PRAM1: variants seen among roughly 807,000 people sequenced by gnomAD.
PRAM1 encodes PML-RARA-regulated adapter molecule 1.
In PRAM1, 41 loss-of-function variants were observed where a neutral mutation model predicts 55.3. The ratio of observed to expected loss-of-function variants is 0.74; its 90% CI spans 0.58 to 0.96. The LOEUF is 0.96. PRAM1 is among the 40% of genes least tolerant of loss of function. The pLI, the probability that PRAM1 is intolerant of heterozygous loss-of-function variation, is 0.00. For synonymous variants in PRAM1, 401 were observed against 387.1 expected (o/e 1.04, Z -0.42); for missense variants, 898 against 892.7 (o/e 1.01, Z -0.08).
At chr19:8,492,236 T>G (rs1253608056) in intron 4 of PRAM1, among the ~76,000 whole-genome samples, 2 of 25,792 alleles carry the variant, frequency 7.8e-5, no homozygotes, top group African/African-American at 1.2e-4. Context: ...TGCCTAGCCG[T>G]TTTTTTTTTT....
At chr19:8,494,089 C>T (rs774419201) in intron 4 of PRAM1, among the ~76,000 whole-genome samples, 12 of 152,196 alleles carry the variant, frequency 7.9e-5, no homozygotes, top group Non-Finnish European at 1.2e-4. Flanking sequence ...TGAGCCACCG[C>T]GCCCGGCCCC....
At position 8,499,265 on chromosome 19, in the gene PRAM1, G is replaced by C. The variant is rs763637457; in HGVS notation, c.543C>G (p.Ser181=). 4.0e-5 allele frequency: 64 copies of C among 1,610,500 alleles called. No homozygotes were observed. The highest frequency in any genetic ancestry group is 6.7e-5 in the African/African-American group (5 of 74,666). ...TGGGGAATGCGCCGGATTTGGGTTCGGAGGGGGGTCTGGCGGGGTGACTGA... is the reference window on the plus strand; with the variant it reads ...TGGGGAATGCGCCGGATTTGGGTTCCGAGGGGGGTCTGGCGGGGTGACTGA... The part of the protein sequence containing the change: ...DELSHPARPP[S]EPKSGAFPRK... Residue 181 remains serine (S), a synonymous_variant, in exon 2 of 10, where the codon TCC becomes TCG. Transcript: ENST00000423345.
intron 4 of PRAM1, among the ~76,000 whole-genome samples, chr19:8,494,341 C>A (rs1280106290): frequency 1.3e-5 from 2 of 152,198 alleles, no homozygotes; most frequent in Non-Finnish European, 2.9e-5. Context: ...CCAACGGTGG[C>A]CCCCAGACCC....
At position 8,497,878 on chromosome 19, in the gene PRAM1, T is replaced by TC. The variant is rs750217132; in HGVS notation, c.1500-39_1500-38insG. On this transcript the variant is annotated intron_variant, in intron 3 of 9. Coordinates refer to ENST00000423345, the MANE Select transcript of PRAM1 (RefSeq NM_032152.5). ...CTGAGATGAGGCCTCTTCTTTTTTT[T>TC]TTTTTTTTTTTTTTTTTGAGACGGA... is the stretch of plus-strand genomic sequence containing the variant. The TC allele has an allele frequency of 3.5e-4, 483 of 1,362,142 alleles. 3 individuals are homozygous for TC. The highest frequency in any genetic ancestry group is 4.5e-4 in the Non-Finnish European group (451 of 1,003,594). The allele number at this position is 1,362,142 out of a possible 1,614,324, so 84.4% of individuals were successfully genotyped here.
chr19:8,497,831 A>ATCTGG lies in PRAM1; in HGVS notation c.1504_1508dup (p.Glu504GlnfsTer62). 1 of 1,539,932 alleles carries ATCTGG rather than the reference A, an allele frequency of 6.5e-7. No individual in the cohort carries two copies. Among genetic ancestry groups the ATCTGG allele is most frequent in the African/African-American group, 1.4e-5 (1 of 70,148 alleles). ...CATCGTCATACAGCTCGTAGATCTCATCTGGGACCCTGCGGGGATACCTGA... is the reference window on the plus strand; with the variant it reads ...CATCGTCATACAGCTCGTAGATCTCATCTGGTCTGGGACCCTGCGGGGATACCTGA... On this transcript the variant is annotated frameshift_variant, in exon 4 of 10. Transcript: ENST00000423345. LOFTEE classifies it high-confidence loss of function.
chr19:8,499,896 G>T, intron 1 of PRAM1, 116 bp from the exon 2 acceptor site: 1 of 846,552 alleles, frequency 1.2e-6, no homozygotes, highest in Non-Finnish European at 1.8e-6. Flanking sequence ...CCCAGGCCCG[G>T]TCAGCCCTCA....
At position 8,490,334 on chromosome 19, in the gene PRAM1, G is replaced by A. The variant is rs372613103; in HGVS notation, c.1975+4C>T. On this transcript the variant is annotated splice_donor_region_variant and intron_variant, in intron 9 of 9. Coordinates refer to ENST00000423345, the MANE Select transcript of PRAM1 (RefSeq NM_032152.5). This position sits in a 1 kb window ranked among gnomAD's most constrained non-coding sequence, Gnocchi z 7.3. The stretch of plus-strand genomic sequence containing the variant: ...CCTCCAGCCCTCCCAGAGTGTCCAC[G>A]TACCGCAGAAGTCGACATCATCGTA... 6.6e-5 allele frequency: 107 copies of A among 1,613,980 alleles called. 2 individuals carry two copies. The highest frequency in any genetic ancestry group is 4.5e-4 in the East Asian group (20 of 44,870).
rs1568312789 is a variant in PRAM1 at position 8,490,510 on chromosome 19, CTG to C, written c.1907-3_1907-2del. 6.2e-7 allele frequency: 1 copy of C among 1,611,170 alleles called. No individual in the cohort carries two copies. Among genetic ancestry groups the C allele is most frequent in the South Asian group, 1.1e-5 (1 of 90,682 alleles). On this transcript the variant is annotated splice_acceptor_variant and splice_polypyrimidine_tract_variant and intron_variant, in intron 7 of 9. Coordinates refer to ENST00000423345, the MANE Select transcript of PRAM1 (RefSeq NM_032152.5). LOFTEE classifies it high-confidence loss of function. The surrounding 1 kb of genome is among the most constrained non-coding windows in gnomAD (Gnocchi z 7.3). The stretch of plus-strand genomic sequence containing the variant: ...AGCGCTGTTCTGGGCACGTAGCCAT[CTG>C]TGGAGAGAGTGGGCATGGTGGGTTC...
At position 8,490,111 on chromosome 19, in the gene PRAM1, T is replaced by A; in HGVS notation, c.*78A>T. ...TACAAGCCCAGGCAGCTCTGTGACTTTCCCGCGCCGGGATCCAGGGCTCCT... is the reference window on the plus strand; with the variant it reads ...TACAAGCCCAGGCAGCTCTGTGACTATCCCGCGCCGGGATCCAGGGCTCCT... On this transcript the variant is annotated 3_prime_UTR_variant, in exon 10 of 10. Transcript: ENST00000423345. This position sits in a 1 kb window ranked among gnomAD's most constrained non-coding sequence, Gnocchi z 7.3. The A allele has an allele frequency of 7.1e-7, 1 of 1,401,386 alleles. No individual in the cohort carries two copies. The allele number at this position is 1,401,386 out of a possible 1,614,324, so 86.8% of individuals were successfully genotyped here.
chr19:8,496,579 G>A (rs1971702358), intron 4 of PRAM1, among the ~76,000 whole-genome samples: 1 of 151,694 alleles, frequency 6.6e-6, no homozygotes, highest in Non-Finnish European at 1.5e-5. Context: ...ACAAAAAGTA[G>A]CTGGGCTTGG....
Position 8,498,757 on chromosome 19 carries a change from G to A in PRAM1, c.1051C>T (p.Arg351Trp), listed in dbSNP as rs1166359141. 1.9e-6 allele frequency: 3 copies of A among 1,572,674 alleles called. No homozygotes were observed. The highest frequency in any genetic ancestry group is 1.7e-6 in the Non-Finnish European group (2 of 1,159,820). ...LPRKLLQPER[R>W]GPPRKFSQPE... ...TGTGAGAACTTGCGGGGTGGCCCCC[G>A]GCGCTCCGGCTGCAGCAGCTTCCTG... The change falls in exon 2 of 10, where the codon CGG becomes TGG. Residue 351 changes from arginine to tryptophan, a missense_variant. By Grantham distance (101) the Arg-to-Trp change is moderately radical. This residue lies in a region of PRAM1 where 787 missense variants were observed against 735.4 expected (regional missense o/e 1.07). Coordinates refer to ENST00000423345, the MANE Select transcript of PRAM1 (RefSeq NM_032152.5).
chr19:8,490,230 C>G lies in PRAM1; in HGVS notation c.1976-4G>C. 3 of 1,604,896 alleles carry G rather than the reference C, an allele frequency of 1.9e-6. No individual in the cohort carries two copies. The highest frequency in any genetic ancestry group is 2.6e-6 in the Non-Finnish European group (3 of 1,174,910). On this transcript the variant is annotated splice_polypyrimidine_tract_variant and splice_region_variant and intron_variant, in intron 9 of 9. Coordinates refer to ENST00000423345, the MANE Select transcript of PRAM1 (RefSeq NM_032152.5). This position sits in a 1 kb window ranked among gnomAD's most constrained non-coding sequence, Gnocchi z 7.3. ...AGTGGTTGGTTTTCCAGGGGATCTG[C>G]CGAGGAAGCGTGACTTCCATGGACC...
At chr19:8,495,935 C>T (rs1447965473) in intron 4 of PRAM1, 22 of 389,060 alleles carry the variant, frequency 5.7e-5, no homozygotes, top group Non-Finnish European at 1.0e-4. Context: ...TTCATGAAGG[C>T]ATTAACTGTG....
rs557253731 is a variant in PRAM1, at chr19:8,496,541, A to G, written c.1576+1223T>C. The stretch of plus-strand genomic sequence containing the variant: ...GGAGCTTGAGACCAGCCTAGCCAAC[A>G]TGGTGAAACCCCATATCTACTAAAA... On this transcript the variant is annotated intron_variant, in intron 4 of 9. Transcript: ENST00000423345. Among the ~76,000 whole-genome samples, 4 of 151,582 alleles carry G rather than the reference A, an allele frequency of 2.6e-5. No individual in the cohort carries two copies. The East Asian group carries it at 7.9e-4, about 30-fold the overall frequency.
chr19:8,500,195 C>T (rs1379345911), intron 1 of PRAM1, among the ~76,000 whole-genome samples: 2 of 150,450 alleles, frequency 1.3e-5, no homozygotes, highest in African/African-American at 2.5e-5. Context: ...CAGCTTGCAA[C>T]TCCTGGGCTC....
rs1971755475 is a variant in PRAM1, at chr19:8,499,062, G to A, written c.746C>T (p.Ala249Val). The stretch of plus-strand genomic sequence containing the variant: ...AGGCTTCCAGAGGGGAGTCTGAGCG[G>A]CCTCGCTGAACTCAGGCTGCGGCAC... ...KSVPQPEFSE[A>V]AQTPLWKPQS... is the part of the protein sequence containing the mutation. The change falls in exon 2 of 10, where the codon GCC becomes GTC. Residue 249 changes from alanine to valine, a missense_variant. Physicochemically the swap from Ala to Val is moderately conservative, Grantham distance 64. Coordinates refer to ENST00000423345, the MANE Select transcript of PRAM1 (RefSeq NM_032152.5). 1.2e-6 allele frequency: 2 copies of A among 1,613,610 alleles called. No individual in the cohort carries two copies. The highest frequency in any genetic ancestry group is 2.2e-5 in the East Asian group (1 of 44,848).
chr19:8,498,597 TGCCGGGA>T lies in PRAM1; in HGVS notation c.1204_1210del (p.Ser402ThrfsTer74). 1 of 1,612,442 alleles carries T rather than the reference TGCCGGGA, an allele frequency of 6.2e-7. No individual in the cohort carries two copies. The highest frequency in any genetic ancestry group is 8.5e-7 in the Non-Finnish European group (1 of 1,179,716). ...CGCTCCAAACCCAGGGCTGAGCGGG[TGCCGGGA>T]GCTGAAGCCGGCCACGGCCGCAGGC... On this transcript the variant is annotated frameshift_variant, in exon 2 of 10. Transcript: ENST00000423345. LOFTEE classifies it high-confidence loss of function.
chr19:8,491,685 A>G, intron 4 of PRAM1: 1 of 166,830 alleles, frequency 6.0e-6, no homozygotes, highest in Non-Finnish European at 1.3e-5. Context: ...CATTCCCTTA[A>G]CTCCTGCCAC....
intron 4 of PRAM1, 88 bp from the exon 5 acceptor site, chr19:8,491,245 T>C (rs929332275): frequency 1.2e-5 from 16 of 1,383,478 alleles, no homozygotes; most frequent in Admixed American, 7.9e-5. Context: ...TTTTGTGTTT[T>C]TGTTTTGAGA....
Sources: allele counts gnomAD v4.1 joint callset (sites outside exome capture counted in the v4.1 genomes callset), GRCh38; gene constraint gnomAD v4.1.1; regional missense constraint gnomAD v4.1.1; non-coding constraint Gnocchi (gnomAD v3.1); transcripts MANE v1.5; gene names NCBI Gene and HGNC (gene_info 2026-07-23, HGNC 2026-07-21).